The following RORA variants were observed in gnomAD, a reference collection of about 807,000 sequenced individuals.
RORA encodes the protein RAR related orphan receptor A.
In RORA, 7 loss-of-function variants were observed where a neutral mutation model predicts 69.5. That is an observed-to-expected ratio of 0.10 (90% CI 0.06 to 0.19). RORA has a LOEUF of 0.19. Among genes scored for constraint, RORA ranks in the 10% least tolerant of loss-of-function variants. RORA has a pLI of 1.00. For missense variants in RORA, 457 were observed against 663.0 expected, an observed-to-expected ratio of 0.69 and a Z score of 3.41; for synonymous variants, 261 against 240.8, an observed-to-expected ratio of 1.08 and a Z score of -0.78.
intron 2 of RORA, chr15:60,627,163 C>A: frequency 7.5e-7 from 1 of 1,328,974 alleles, no homozygotes; most frequent in Non-Finnish European, 1.1e-6. Flanking sequence ...TTAAGCCAGA[C>A]ATTGGGTTGT....
intron 1 of RORA, among the ~76,000 whole-genome samples, chr15:60,874,920 G>A (rs2073597159): frequency 6.6e-6 from 1 of 152,132 alleles, no homozygotes; most frequent in African/African-American, 2.4e-5. Context: ...TACACCTCAG[G>A]AGACTCTTAG....
chr15:60,588,998 G>T (rs2068419974), intron 2 of RORA, among the ~76,000 whole-genome samples: 1 of 152,174 alleles, frequency 6.6e-6, no homozygotes, highest in Non-Finnish European at 1.5e-5. Context: ...AATCCTCTTT[G>T]TCTTTAAAAG....
chr15:60,701,337 G>C (rs2070978623), intron 1 of RORA, among the ~76,000 whole-genome samples: 1 of 152,180 alleles, frequency 6.6e-6, no homozygotes, highest in Admixed American at 6.5e-5. Context: ...CCTAGAAGTA[G>C]TGTAAAAAAA....
rs530918218 is a variant in RORA, at chr15:60,548,707, G to A, written c.197-16856C>T. On this transcript the variant is annotated intron_variant, in intron 2 of 10. Coordinates refer to ENST00000335670, the MANE Select transcript of RORA (RefSeq NM_134261.3). The stretch of plus-strand genomic sequence containing the variant: ...GGCTGGAGTGCAGTGGCGCGATCTC[G>A]GCTCACTGCAACCTCCACCTCCCAG... Among the ~76,000 whole-genome samples the A allele has an allele frequency of 3.9e-3, 590 of 152,124 alleles. 5 individuals are homozygous for A. Among genetic ancestry groups the A allele is most frequent in the Non-Finnish European group, 5.6e-3 (381 of 67,990 alleles).
At chr15:60,626,537 A>T (rs889151284) in intron 2 of RORA, among the ~76,000 whole-genome samples, 3 of 152,164 alleles carry the variant, frequency 2.0e-5, no homozygotes, top group African/African-American at 4.8e-5. Flanking sequence ...AATATCATTG[A>T]TGAACTACTT....
chr15:60,750,859 C>G (rs1190653232), intron 1 of RORA, among the ~76,000 whole-genome samples: 1 of 152,212 alleles, frequency 6.6e-6, no homozygotes, highest in African/African-American at 2.4e-5. Context: ...ACAAAGCCAC[C>G]TAGGTCCATA....
intron 2 of RORA, among the ~76,000 whole-genome samples, chr15:60,673,426 A>G (rs974945474): frequency 6.6e-5 from 10 of 152,358 alleles, no homozygotes; most frequent in Non-Finnish European, 1.5e-4. Context: ...ACGCTTCCAG[A>G]CAGTACAGAG....
chr15:60,559,149 T>G (rs2067460199), intron 2 of RORA, among the ~76,000 whole-genome samples: 1 of 152,180 alleles, frequency 6.6e-6, no homozygotes, highest in Non-Finnish European at 1.5e-5. Context: ...TATTTTACTC[T>G]TCTCGAAAAA....
chr15:61,043,032 G>T (rs1020717341), intron 1 of RORA, among the ~76,000 whole-genome samples: 1 of 152,308 alleles, frequency 6.6e-6, no homozygotes, highest in South Asian at 2.1e-4. Flanking sequence ...GAGAGTGATG[G>T]ACATGGCGAT....
intron 1 of RORA, among the ~76,000 whole-genome samples, chr15:61,192,582 T>C (rs1476741543): frequency 1.3e-5 from 2 of 152,182 alleles, no homozygotes; most frequent in Non-Finnish European, 2.9e-5. Flanking sequence ...CTGCCACAAT[T>C]CACTGTGGTC....
intron 1 of RORA, among the ~76,000 whole-genome samples, chr15:61,116,909 AC>A (rs1261065139): frequency 3.3e-5 from 5 of 151,998 alleles, no homozygotes; most frequent in African/African-American, 1.2e-4. Context: ...AAGTTCATTT[AC>A]CCCCTATCTG....
chr15:61,043,867 G>T (rs1024477955), intron 1 of RORA, among the ~76,000 whole-genome samples: 1 of 152,112 alleles, frequency 6.6e-6, no homozygotes, highest in Non-Finnish European at 1.5e-5. Flanking sequence ...TAAGCACTGT[G>T]TAGCCTGCTC....
At chr15:61,051,565 C>T (rs1049507143) in intron 1 of RORA, among the ~76,000 whole-genome samples, 1 of 152,154 alleles carries the variant, frequency 6.6e-6, no homozygotes, top group African/African-American at 2.4e-5. Context: ...GACAGGAATC[C>T]TATCGGGTAT....
intron 2 of RORA, among the ~76,000 whole-genome samples, chr15:60,648,620 T>C (rs1049692928): frequency 1.3e-5 from 2 of 152,240 alleles, no homozygotes; most frequent in Non-Finnish European, 2.9e-5. Flanking sequence ...TGTTGAAACA[T>C]GTCTGTCATG....
chr15:60,961,548 C>A (rs1893414732), intron 1 of RORA, among the ~76,000 whole-genome samples: 1 of 152,340 alleles, frequency 6.6e-6, no homozygotes, highest in African/African-American at 2.4e-5. Context: ...CATAAAGCGT[C>A]TCAGCTGCTA....
intron 1 of RORA, among the ~76,000 whole-genome samples, chr15:60,804,414 C>T (rs1036300318): frequency 7.9e-5 from 12 of 151,902 alleles, no homozygotes; most frequent in African/African-American, 2.2e-4. Context: ...GAGGCCCACA[C>T]GAATCCTCTT....
At position 61,147,769 on chromosome 15, in the gene RORA, G is replaced by GCA. The variant is rs2079362880; in HGVS notation, c.166+81283_166+81284insTG. Among the ~76,000 whole-genome samples, 1 of 131,222 alleles carries GCA rather than the reference G, an allele frequency of 7.6e-6. No homozygotes were observed. Among genetic ancestry groups the GCA allele is most frequent in the African/African-American group, 3.0e-5 (1 of 33,308 alleles). 86.1% of individuals were successfully genotyped at this position (131,222 alleles called of 152,430 possible). A position where few individuals can be genotyped will look rare whatever the true frequency, so the allele number is the denominator to read the frequency against. On this transcript the variant is annotated intron_variant, in intron 1 of 10. Transcript: ENST00000335670. The surrounding 1 kb of genome is among the most constrained non-coding windows in gnomAD (Gnocchi z 4.1). ...TCAGTAGGCACGTGCGCACACGCGT[G>GCA]TGTGTGTGTGTGTGTGTGTGTGTGT...
chr15:60,723,299 T>C (rs1236552436), intron 1 of RORA, among the ~76,000 whole-genome samples: 1 of 151,994 alleles, frequency 6.6e-6, no homozygotes, highest in African/African-American at 2.4e-5. Context: ...TTGAAAAAGG[T>C]TTGCTGAAAG....
intron 1 of RORA, among the ~76,000 whole-genome samples, chr15:60,842,598 C>T (rs1384600892): frequency 1.3e-5 from 2 of 152,130 alleles, no homozygotes; most frequent in African/African-American, 2.4e-5. Flanking sequence ...CAGTGGTGAG[C>T]ATTGGACTGC....
Sources: allele counts gnomAD v4.1 joint callset (sites outside exome capture counted in the v4.1 genomes callset), GRCh38; gene constraint gnomAD v4.1.1; non-coding constraint Gnocchi (gnomAD v3.1); transcripts MANE v1.5; gene names NCBI Gene and HGNC (gene_info 2026-07-23, HGNC 2026-07-21).